Variants in MARCHF3 observed in about 807,000 individuals in gnomAD.
MARCHF3 encodes E3 ubiquitin-protein ligase MARCHF3.
Under a neutral mutation model 24.2 loss-of-function variants are expected in MARCHF3, and 13 were observed. That is an observed-to-expected ratio of 0.54 (90% confidence interval 0.35 to 0.85). The LOEUF is 0.85. MARCHF3 is among the 40% of genes least tolerant of loss of function. The pLI, the probability that MARCHF3 is intolerant of heterozygous loss-of-function variation, is 0.01. For synonymous variants in MARCHF3, 144 were observed against 137.3 expected, an observed-to-expected ratio of 1.05 and a Z score of -0.34; for missense variants, 276 against 325.0, an observed-to-expected ratio of 0.85 and a Z score of 1.16.
rs551996158 is a variant in MARCHF3 at position 126,992,864 on chromosome 5, C to A, written c.-57+37486G>T. ...TCTGTTCACTGCAACCTCCGCCTTC[C>A]GGGTTCACGCCATTCTCCTGCCTCA... is the stretch of plus-strand genomic sequence containing the variant. On this transcript the variant is annotated intron_variant, in intron 1 of 4. Coordinates refer to ENST00000308660, the MANE Select transcript of MARCHF3 (RefSeq NM_178450.5). 2.0e-5 allele frequency among the ~76,000 whole-genome samples: 3 copies of A among 150,766 alleles called. No homozygotes were observed. In the South Asian group the frequency reaches 6.3e-4, roughly 32 times the overall value.
chr5:126,949,132 A>G (rs1032991372), intron 1 of MARCHF3, among the ~76,000 whole-genome samples: 3 of 152,254 alleles, frequency 2.0e-5, no homozygotes, highest in African/African-American at 7.2e-5. Flanking sequence ...TTAGGAGGCA[A>G]ACACAGTTAT....
intron 1 of MARCHF3, among the ~76,000 whole-genome samples, chr5:126,981,036 G>A (rs1056386484): frequency 1.3e-5 from 2 of 152,126 alleles, no homozygotes; most frequent in African/African-American, 4.8e-5. Context: ...AATCAGCCTG[G>A]TGAGCACTGA....
intron 1 of MARCHF3, among the ~76,000 whole-genome samples, chr5:126,972,214 C>T (rs981417410): frequency 7.4e-6 from 1 of 134,986 alleles, no homozygotes; most frequent in South Asian, 2.3e-4. Context: ...CTGTTTGGAA[C>T]AGAGTGTTTG....
intron 1 of MARCHF3, among the ~76,000 whole-genome samples, chr5:127,016,667 T>C (rs1752646905): frequency 6.6e-6 from 1 of 152,184 alleles, no homozygotes; most frequent in African/African-American, 2.4e-5. Flanking sequence ...GGTGGGAGTG[T>C]AAATTAATTC....
intron 3 of MARCHF3, among the ~76,000 whole-genome samples, chr5:126,884,976 C>T (rs1357242056): frequency 6.6e-6 from 1 of 152,212 alleles, no homozygotes; most frequent in Non-Finnish European, 1.5e-5. Context: ...CCTACCAGTT[C>T]CCATGTCTCC....
chr5:126,962,186 T>C (rs1750659217), intron 1 of MARCHF3, among the ~76,000 whole-genome samples: 1 of 152,114 alleles, frequency 6.6e-6, no homozygotes, highest in African/African-American at 2.4e-5. Context: ...TAAACATTCA[T>C]GGAACTCAGG....
Position 126,891,604 on chromosome 5 carries a change from T to A in MARCHF3, c.394-13210A>T, listed in dbSNP as rs539499175. Among the ~76,000 whole-genome samples the A allele has an allele frequency of 1.2e-3, 144 of 123,866 alleles. 1 individual carries two copies. The highest frequency in any genetic ancestry group is 2.8e-3 in the East Asian group (11 of 3,954). The allele number at this position is 123,866 out of a possible 152,430, so 81.3% of individuals were successfully genotyped here. A position where few individuals can be genotyped will look rare whatever the true frequency, so the allele number is the denominator to read the frequency against. On this transcript the variant is annotated intron_variant, in intron 3 of 4. Transcript: ENST00000308660. ...GTCAAAGATCAGATAGTTGTAGATA[T>A]GCGGCGTTATTTCTGAGGGCTCTGT...
At chr5:126,969,410 T>C (rs1167400566) in intron 1 of MARCHF3, among the ~76,000 whole-genome samples, 1 of 152,204 alleles carries the variant, frequency 6.6e-6, no homozygotes, top group Non-Finnish European at 1.5e-5. Flanking sequence ...GGTCAGCTTC[T>C]AGTATCAGCA....
At chr5:126,970,551 G>A (rs1750973842) in intron 1 of MARCHF3, among the ~76,000 whole-genome samples, 1 of 151,936 alleles carries the variant, frequency 6.6e-6, no homozygotes, top group African/African-American at 2.4e-5. Flanking sequence ...TGCTATTCAG[G>A]AACATCTAAT....
chr5:127,028,488 GT>G (rs1441495261), intron 1 of MARCHF3, among the ~76,000 whole-genome samples: 1 of 151,086 alleles, frequency 6.6e-6, no homozygotes, highest in Non-Finnish European at 1.5e-5. Flanking sequence ...CTAAAAGTAT[GT>G]TTCATTAGAA....
intron 1 of MARCHF3, among the ~76,000 whole-genome samples, chr5:126,977,942 G>GT (rs1395762359): frequency 1.3e-5 from 2 of 152,206 alleles, no homozygotes; most frequent in Non-Finnish European, 2.9e-5. Context: ...ATTCAAGGCA[G>GT]TATTAAGTAA....
chr5:126,908,614 G>A (rs149153019), intron 3 of MARCHF3, among the ~76,000 whole-genome samples: 8,940 of 151,312 alleles, frequency 0.059, 499 homozygotes, highest in African/African-American at 0.14. Context: ...TGATCGCATC[G>A]GCTCCTGAGG....
intron 1 of MARCHF3, among the ~76,000 whole-genome samples, chr5:126,976,120 C>T (rs1251585326): frequency 6.6e-6 from 1 of 152,140 alleles, no homozygotes; most frequent in Non-Finnish European, 1.5e-5. Context: ...AGGGATCTTT[C>T]TCCTTCTATA....
At chr5:127,026,870 T>C (rs1195985773) in intron 1 of MARCHF3, among the ~76,000 whole-genome samples, 2 of 152,236 alleles carry the variant, frequency 1.3e-5, no homozygotes, top group Non-Finnish European at 2.9e-5. Context: ...GACGATCCAG[T>C]GGTCTGGAAC....
chr5:126,985,613 C>T (rs1321778113), intron 1 of MARCHF3, among the ~76,000 whole-genome samples: 1 of 151,698 alleles, frequency 6.6e-6, no homozygotes, highest in Non-Finnish European at 1.5e-5. Context: ...GGACTACAGG[C>T]GCCCGCCACC....
intron 4 of MARCHF3, among the ~76,000 whole-genome samples, chr5:126,872,942 A>C (rs1386531444): frequency 6.6e-6 from 1 of 152,076 alleles, no homozygotes; most frequent in Non-Finnish European, 1.5e-5. Flanking sequence ...CAGGCTGGGA[A>C]GCCAGCTGTT....
intron 1 of MARCHF3, among the ~76,000 whole-genome samples, chr5:126,998,322 T>C (rs1346884840): frequency 6.6e-6 from 1 of 152,234 alleles, no homozygotes; most frequent in African/African-American, 2.4e-5. Context: ...ACCAGAATTC[T>C]GCTCTAGTAG....
chr5:126,944,559 G>A (rs1165281605), intron 1 of MARCHF3, among the ~76,000 whole-genome samples: 2 of 152,182 alleles, frequency 1.3e-5, no homozygotes, highest in Admixed American at 6.5e-5. Flanking sequence ...TCCAGCCTGG[G>A]CAAAAGAGCG....
intron 1 of MARCHF3, among the ~76,000 whole-genome samples, chr5:126,997,205 T>G (rs1202620623): frequency 6.6e-6 from 1 of 152,220 alleles, no homozygotes; most frequent in Non-Finnish European, 1.5e-5. Context: ...AAGTGGTTAC[T>G]GAGTAGGTTA....
Sources: gnomAD v4.1 joint callset for allele counts (sites outside exome capture counted in the v4.1 genomes callset) on GRCh38, gnomAD v4.1.1 for gene constraint, MANE v1.5 for transcripts, NCBI Gene and HGNC (gene_info 2026-07-23, HGNC 2026-07-21) for gene names.